SLC1A7: variants seen among roughly 807,000 people sequenced by gnomAD.
SLC1A7 encodes excitatory amino acid transporter 5.
SLC1A7 carries 40 observed loss-of-function variants against 47.7 expected under a neutral mutation model. That is an observed-to-expected ratio of 0.84 (90% CI 0.65 to 1.09). The LOEUF (loss-of-function observed/expected upper bound fraction) is 1.09. Among genes scored for constraint, SLC1A7 ranks in the 50% least tolerant of loss-of-function variants. The pLI, the probability that SLC1A7 is intolerant of heterozygous loss-of-function variation, is 0.00. For missense variants in SLC1A7, 746 were observed against 769.5 expected, an observed-to-expected ratio of 0.97 and a Z score of 0.36; for synonymous variants, 323 against 325.6, an observed-to-expected ratio of 0.99 and a Z score of 0.09.
intron 2 of SLC1A7, among the ~76,000 whole-genome samples, chr1:53,124,578 C>T (rs1427745912): frequency 6.6e-6 from 1 of 152,044 alleles, no homozygotes; most frequent in Non-Finnish European, 1.5e-5. Flanking sequence ...GCTCAGTTGA[C>T]CTCCCAAGGT....
intron 5 of SLC1A7, chr1:53,102,778 A>C (rs538067796): frequency 1.3e-5 from 2 of 152,886 alleles, no homozygotes; most frequent in South Asian, 4.1e-4. Context: ...CACGGCTTGG[A>C]GGGGACTTTG....
intron 2 of SLC1A7, among the ~76,000 whole-genome samples, chr1:53,129,231 C>A (rs1333765325): frequency 1.1e-5 from 1 of 94,712 alleles, no homozygotes; most frequent in Non-Finnish European, 2.4e-5. Context: ...CATAACGTAC[C>A]AGGAGCCATG....
chr1:53,123,098 G>C (rs768104475), intron 2 of SLC1A7, among the ~76,000 whole-genome samples: 2 of 152,234 alleles, frequency 1.3e-5, no homozygotes, highest in Non-Finnish European at 2.9e-5. Flanking sequence ...AGGAGCCACA[G>C]CTGCAGCCCT....
chr1:53,133,704 T>A (rs1644963378), intron 2 of SLC1A7, among the ~76,000 whole-genome samples: 1 of 152,104 alleles, frequency 6.6e-6, no homozygotes, highest in African/African-American at 2.4e-5. Flanking sequence ...CTCCCATGAT[T>A]TCCATGGCCC....
At chr1:53,123,364 C>T (rs769452917) in intron 2 of SLC1A7, among the ~76,000 whole-genome samples, 1 of 152,228 alleles carries the variant, frequency 6.6e-6, no homozygotes, top group Non-Finnish European at 1.5e-5. Flanking sequence ...GGCCTCTCTC[C>T]AGTGCAGCGG....
In SLC1A7 at chr1:53,126,595, G is replaced by A. The variant is rs116190838; in HGVS notation, c.215+7755C>T. Among the ~76,000 whole-genome samples, 352 of 152,300 alleles carry A rather than the reference G, an allele frequency of 2.3e-3. 1 individual carries two copies. Among genetic ancestry groups the A allele is most frequent in the African/African-American group, 8.0e-3 (331 of 41,566 alleles). On this transcript the variant is annotated intron_variant, in intron 2 of 10. Coordinates refer to ENST00000371494, the MANE Select transcript of SLC1A7 (RefSeq NM_006671.6). ...TGCATATGACTGTCCTTGCTGGCAA[G>A]TGTCTTGATCTCTGGGAATGAATAA...
At position 53,140,662 on chromosome 1, in the gene SLC1A7, C is replaced by T. The variant is rs537713840; in HGVS notation, c.135+1653G>A. Among the ~76,000 whole-genome samples, 7 of 152,220 alleles carry T rather than the reference C, an allele frequency of 4.6e-5. No individual in the cohort carries two copies. In the South Asian group the frequency reaches 8.3e-4, roughly 18 times the overall value. ...ATAAGGGAGGGAGGGGGAAGTAACA[C>T]GTAGTAAGCACCTACTGTATGCTGG... On this transcript the variant is annotated intron_variant, in intron 1 of 10. Coordinates refer to ENST00000371494, the MANE Select transcript of SLC1A7 (RefSeq NM_006671.6).
intron 5 of SLC1A7, among the ~76,000 whole-genome samples, chr1:53,096,548 C>G (rs1288412): frequency 0.61 from 92,049 of 150,924 alleles, 32,315 homozygotes; most frequent in Non-Finnish European, 0.77. Flanking sequence ...CACTCACACC[C>G]CATGCCTCAG....
chr1:53,101,120 C>T (rs1308937710), intron 5 of SLC1A7, among the ~76,000 whole-genome samples: 2 of 151,258 alleles, frequency 1.3e-5, no homozygotes, highest in African/African-American at 4.9e-5. Flanking sequence ...CACTCACACA[C>T]ACTGCCGCAG....
chr1:53,113,371 C>T (rs1396356907), intron 3 of SLC1A7, among the ~76,000 whole-genome samples: 2 of 152,050 alleles, frequency 1.3e-5, no homozygotes, highest in Non-Finnish European at 2.9e-5. Flanking sequence ...AGCTTAGACT[C>T]CCCCATGAGA....
chr1:53,113,870 G>T (rs1288374), intron 3 of SLC1A7, among the ~76,000 whole-genome samples: 1 of 152,086 alleles, frequency 6.6e-6, no homozygotes, highest in Non-Finnish European at 1.5e-5. Context: ...CCTTCTCCCC[G>T]CAGACGGTTC....
intron 2 of SLC1A7, 174 bp from the exon 3 acceptor site, chr1:53,115,147 T>G: frequency 1.6e-6 from 1 of 621,668 alleles, no homozygotes; most frequent in Admixed American, 2.6e-5. Context: ...TGCTCTGCCC[T>G]CTCCCCCACG....
At chr1:53,114,690 T>C in intron 3 of SLC1A7, 68 bp downstream of exon 3, 1 of 1,404,912 alleles carries the variant, frequency 7.1e-7, no homozygotes, top group Non-Finnish European at 1.0e-6. Flanking sequence ...CGTCCTGGCC[T>C]CTGGGGGACC....
intron 2 of SLC1A7, among the ~76,000 whole-genome samples, chr1:53,126,248 G>T (rs1340580987): frequency 6.6e-6 from 1 of 152,372 alleles, no homozygotes; most frequent in African/African-American, 2.4e-5. Flanking sequence ...GGGCACAGCG[G>T]CTGGTGGAGG....
intron 7 of SLC1A7, 31 bp from the exon 8 acceptor site, chr1:53,090,837 C>A (rs765471785): frequency 6.3e-7 from 1 of 1,580,414 alleles, no homozygotes; most frequent in Non-Finnish European, 8.6e-7. Flanking sequence ...GTCTGCCCAG[C>A]ACCCTCCTCC....
intron 2 of SLC1A7, among the ~76,000 whole-genome samples, chr1:53,132,267 A>T (rs932487952): frequency 1.3e-5 from 2 of 152,120 alleles, no homozygotes; most frequent in African/African-American, 4.8e-5. Context: ...GGTGGAATAG[A>T]TGGGACGGGG....
intron 2 of SLC1A7, among the ~76,000 whole-genome samples, chr1:53,126,706 G>A (rs1279026596): frequency 6.6e-6 from 1 of 152,238 alleles, no homozygotes; most frequent in Non-Finnish European, 1.5e-5. Flanking sequence ...TTGGGCTTCT[G>A]ATCCCATCAG....
At chr1:53,098,560 A>G (rs999323622) in intron 5 of SLC1A7, among the ~76,000 whole-genome samples, 1 of 140,672 alleles carries the variant, frequency 7.1e-6, no homozygotes, top group African/African-American at 2.7e-5. Flanking sequence ...CATCCACCTC[A>G]GCATACTCAC....
At chr1:53,132,574 G>A (rs991227133) in intron 2 of SLC1A7, among the ~76,000 whole-genome samples, 2 of 152,198 alleles carry the variant, frequency 1.3e-5, no homozygotes, top group African/African-American at 4.8e-5. Context: ...GGCTGGGCAC[G>A]GTGGCTCATG....
Sources: gnomAD v4.1 joint callset for allele counts (sites outside exome capture counted in the v4.1 genomes callset) on GRCh38, gnomAD v4.1.1 for gene constraint, MANE v1.5 for transcripts, NCBI Gene and HGNC (gene_info 2026-07-23, HGNC 2026-07-21) for gene names.